Variants in FRMD6 observed in about 807,000 individuals in gnomAD.
The protein encoded by FRMD6 is FERM domain containing 6.
FRMD6 carries 37 observed loss-of-function variants against 73.2 expected under a neutral mutation model. That is an observed-to-expected ratio of 0.51 (90% CI 0.39 to 0.66). The LOEUF (loss-of-function observed/expected upper bound fraction) is 0.66. FRMD6 is among the 30% of genes least tolerant of loss of function. The probability of loss-of-function intolerance (pLI) is 0.00; values close to 1 mark genes in which losing one functional copy is unlikely to be tolerated. For missense variants in FRMD6, 714 were observed against 780.5 expected (o/e 0.91, Z 1.02); for synonymous variants, 273 against 282.2 (o/e 0.97, Z 0.33).
chr14:51,711,711 T>C, intron 8 of FRMD6, 115 bp downstream of exon 8: 1 of 713,642 alleles, frequency 1.4e-6, no homozygotes, highest in East Asian at 2.6e-5. Context: ...CTGGTCATCA[T>C]TTCCCATTTG....
At chr14:51,493,397 A>G (rs2031856986) in intron 1 of FRMD6, among the ~76,000 whole-genome samples, 1 of 152,166 alleles carries the variant, frequency 6.6e-6, no homozygotes, top group Non-Finnish European at 1.5e-5. Flanking sequence ...GAGGTAATTG[A>G]ATCATGAGGG....
At chr14:51,570,833 C>T (rs1389063449) in intron 2 of FRMD6, among the ~76,000 whole-genome samples, 1 of 152,210 alleles carries the variant, frequency 6.6e-6, no homozygotes, top group Non-Finnish European at 1.5e-5. Flanking sequence ...CCTTCAGATT[C>T]ATCCATTCCT....
rs527905608 is a variant in FRMD6 at position 51,670,398 on chromosome 14, G to T, written c.-147+18402G>T. On this transcript the variant is annotated intron_variant, in intron 1 of 13. Coordinates refer to ENST00000344768, the MANE Select transcript of FRMD6 (RefSeq NM_001267046.2). ...AATAATTTTAGACTCACAAGAAGTT[G>T]CAAAAATAGTGTACAGAGTCTCCCA... Among the ~76,000 whole-genome samples, 44 of 152,258 alleles carry T rather than the reference G, an allele frequency of 2.9e-4. 3 individuals carry two copies. The South Asian group carries it at 8.9e-3, about 31-fold the overall frequency.
At chr14:51,524,676 T>C (rs1885138354) in intron 1 of FRMD6, among the ~76,000 whole-genome samples, 1 of 151,998 alleles carries the variant, frequency 6.6e-6, no homozygotes, top group Admixed American at 6.6e-5. Context: ...TGCCACATGG[T>C]TGGAAATTTA....
At chr14:51,504,149 T>C (rs1036270941) in intron 1 of FRMD6, among the ~76,000 whole-genome samples, 1 of 152,240 alleles carries the variant, frequency 6.6e-6, no homozygotes, top group Admixed American at 6.5e-5. Context: ...GCTTTCTGTT[T>C]GTTTTTCTTT....
At chr14:51,567,607 T>C (rs1008053443) in intron 1 of FRMD6, among the ~76,000 whole-genome samples, 1 of 152,210 alleles carries the variant, frequency 6.6e-6, no homozygotes, top group Admixed American at 6.5e-5. Context: ...CCCAAAGTGG[T>C]AGGATTACAG....
At chr14:51,564,775 G>C (rs925400301) in intron 1 of FRMD6, among the ~76,000 whole-genome samples, 6 of 152,130 alleles carry the variant, frequency 3.9e-5, no homozygotes, top group Non-Finnish European at 8.8e-5. Context: ...GTAGGAGCTC[G>C]CATTTGCTAA....
intron 7 of FRMD6, among the ~76,000 whole-genome samples, chr14:51,710,789 A>C (rs892037102): frequency 3.9e-5 from 6 of 152,120 alleles, no homozygotes; most frequent in Admixed American, 2.6e-4. Flanking sequence ...ATATATACTT[A>C]TTACAGATGA....
intron 1 of FRMD6, among the ~76,000 whole-genome samples, chr14:51,500,756 A>G (rs978281374): frequency 1.5e-4 from 22 of 150,956 alleles, no homozygotes; most frequent in African/African-American, 4.6e-4. Flanking sequence ...ATATATACAT[A>G]TGTGTGTGTG....
intron 2 of FRMD6, among the ~76,000 whole-genome samples, chr14:51,630,393 T>G (rs1000326708): frequency 1.3e-5 from 2 of 152,136 alleles, no homozygotes; most frequent in African/African-American, 4.8e-5. Context: ...TTCAAGCCCA[T>G]GTCATCTAGT....
intron 2 of FRMD6, among the ~76,000 whole-genome samples, chr14:51,621,930 G>A (rs1890943640): frequency 6.6e-6 from 1 of 152,208 alleles, no homozygotes; most frequent in Non-Finnish European, 1.5e-5. Flanking sequence ...CATTTATCAT[G>A]CAAACAAGGA....
chr14:51,461,103 G>C, the FRMD6 span, among the ~76,000 whole-genome samples: 2 of 152,188 alleles, frequency 1.3e-5, no homozygotes, highest in Admixed American at 1.3e-4. Context: ...ATGTGTACTT[G>C]AGTTAAGCCA....
At chr14:51,506,588 G>A (rs1883975897) in intron 1 of FRMD6, among the ~76,000 whole-genome samples, 2 of 152,188 alleles carry the variant, frequency 1.3e-5, no homozygotes. Flanking sequence ...TTTGCTGCTG[G>A]ATGCTTGGTA....
rs1566605814 is a variant in FRMD6, at chr14:51,728,195, T to TGG, written c.*166_*167insGG. The TGG allele has an allele frequency of 9.1e-6, 6 of 658,260 alleles. No individual in the cohort carries two copies. Among genetic ancestry groups the TGG allele is most frequent in the Non-Finnish European group, 1.5e-5 (6 of 397,414 alleles). 40.8% of individuals were successfully genotyped at this position (658,260 alleles called of 1,614,324 possible). On this transcript the variant is annotated 3_prime_UTR_variant, in exon 14 of 14. Coordinates refer to ENST00000344768, the MANE Select transcript of FRMD6 (RefSeq NM_001267046.2). ...ACAAAAGCCTTGGAACAATTGCACT[T>TGG]TAAGTATTACACAGAAGTAAAAGAA...
intron 2 of FRMD6, among the ~76,000 whole-genome samples, chr14:51,605,809 A>T (rs1384120872): frequency 6.6e-6 from 1 of 152,208 alleles, no homozygotes; most frequent in African/African-American, 2.4e-5. Flanking sequence ...GAGTCACAAG[A>T]TATCACTTTA....
the FRMD6 span, among the ~76,000 whole-genome samples, chr14:51,452,467 A>G: frequency 6.6e-6 from 1 of 152,200 alleles, no homozygotes; most frequent in Non-Finnish European, 1.5e-5. Context: ...TAAGTTTGGG[A>G]TGTTGAGGAG....
intron 2 of FRMD6, among the ~76,000 whole-genome samples, chr14:51,644,620 T>C (rs1341165044): frequency 6.6e-6 from 1 of 152,226 alleles, no homozygotes; most frequent in East Asian, 1.9e-4. Flanking sequence ...TGTGTTAATA[T>C]TTCACAATGA....
intron 1 of FRMD6, among the ~76,000 whole-genome samples, chr14:51,552,066 T>C (rs931220239): frequency 2.0e-5 from 3 of 152,178 alleles, no homozygotes; most frequent in Non-Finnish European, 4.4e-5. Flanking sequence ...TGAATAAATA[T>C]TTTGAGAATA....
chr14:51,475,163 C>T, the FRMD6 span, among the ~76,000 whole-genome samples: 3 of 152,174 alleles, frequency 2.0e-5, no homozygotes, highest in Admixed American at 2.0e-4. Context: ...CTCTGGTCCC[C>T]CTTTTCCTAG....
Sources: allele counts gnomAD v4.1 joint callset (sites outside exome capture counted in the v4.1 genomes callset), GRCh38; gene constraint gnomAD v4.1.1; transcripts MANE v1.5; gene names NCBI Gene and HGNC (gene_info 2026-07-23, HGNC 2026-07-21).